The following BRF1 variants were observed in gnomAD, a reference collection of about 807,000 sequenced individuals.
BRF1 encodes BRF1 general transcription factor IIIB subunit, also known as transcription factor IIIB 90 kDa subunit.
In BRF1, 59 loss-of-function variants were observed where a neutral mutation model predicts 81.7. The ratio of observed to expected loss-of-function variants is 0.72; its 90% CI spans 0.59 to 0.90. The LOEUF (loss-of-function observed/expected upper bound fraction) is 0.90, where lower values mean the gene tolerates loss of function less well. Ranked by LOEUF, BRF1 falls within the 40% of genes least tolerant of loss-of-function variation. BRF1 has a pLI of 0.00. For synonymous variants in BRF1, 491 were observed against 395.6 expected, an observed-to-expected ratio of 1.24 and a Z score of -2.86; for missense variants, 1,050 against 936.3, an observed-to-expected ratio of 1.12 and a Z score of -1.58.
chr14:105,229,710 C>T (rs587639629), intron 6 of BRF1, among the ~76,000 whole-genome samples: 37 of 122,286 alleles, frequency 3.0e-4, no homozygotes, highest in Non-Finnish European at 3.5e-4. Flanking sequence ...GAGAGAGAGG[C>T]CACACCACTG....
At chr14:105,214,041 C>T (rs755927297) in intron 15 of BRF1, among the ~76,000 whole-genome samples, 6 of 152,234 alleles carry the variant, frequency 3.9e-5, no homozygotes, top group East Asian at 3.8e-4. Flanking sequence ...GGATGTGGGG[C>T]GCTGCGGCCC....
chr14:105,249,938 A>T (rs1389175211), intron 5 of BRF1: 1 of 1,611,858 alleles, frequency 6.2e-7, no homozygotes, highest in East Asian at 2.2e-5. Context: ...GGAGGCCCTC[A>T]ACACCAAAGA....
chr14:105,226,671 GA>G lies in BRF1; in HGVS notation c.877del (p.Ser293ArgfsTer11). Reference sequence around the variant, plus strand: ...CAGCTTCCTCTGCCCAGCTGTGTACGAGGGGGGGTCGCACTCCTCCTCCAGG... The same window carrying G: ...CAGCTTCCTCTGCCCAGCTGTGTACGGGGGGGGTCGCACTCCTCCTCCAGG... ...IDLEEECDPP[S>X]YTAGQRKLRM... On this transcript the variant is annotated frameshift_variant, in exon 8 of 18. Coordinates refer to ENST00000547530, the MANE Select transcript of BRF1 (RefSeq NM_001519.4). LOFTEE classifies it high-confidence loss of function. 1 of 1,613,508 alleles carries G rather than the reference GA, an allele frequency of 6.2e-7. No homozygotes were observed.
At chr14:105,285,860 C>G (rs2057295759) in intron 2 of BRF1, among the ~76,000 whole-genome samples, 1 of 152,194 alleles carries the variant, frequency 6.6e-6, no homozygotes, top group African/African-American at 2.4e-5. Flanking sequence ...AATCACACAT[C>G]CGATAAAAGA....
chr14:105,268,336 C>T (rs769881791), intron 3 of BRF1, among the ~76,000 whole-genome samples: 7 of 152,270 alleles, frequency 4.6e-5, no homozygotes, highest in Non-Finnish European at 1.0e-4. Flanking sequence ...CTGCTGCCCA[C>T]GCAGCCTCCC....
chr14:105,223,791 G>T (rs587659521), intron 10 of BRF1, among the ~76,000 whole-genome samples: 1 of 152,058 alleles, frequency 6.6e-6, no homozygotes, highest in Admixed American at 6.6e-5. Context: ...GTTTTCATAC[G>T]GCAATCACAC....
chr14:105,313,585 C>T (rs1234674132), intron 1 of BRF1, among the ~76,000 whole-genome samples: 1 of 152,230 alleles, frequency 6.6e-6, no homozygotes, highest in Non-Finnish European at 1.5e-5. Flanking sequence ...GAGGAAGCAG[C>T]GGCATGAGGG....
intron 1 of BRF1, among the ~76,000 whole-genome samples, chr14:105,298,619 CTGAGGCAGGCGGATCACT>C (rs587764719): frequency 6.6e-6 from 1 of 152,312 alleles, no homozygotes; most frequent in East Asian, 1.9e-4. Context: ...CTTTGGGAGG[CTGAGGCAGGCGGATCACT>C]TGAGGTCAGG....
chr14:105,224,456 A>G (rs587772623), intron 10 of BRF1, among the ~76,000 whole-genome samples: 32 of 152,308 alleles, frequency 2.1e-4, no homozygotes, highest in Admixed American at 2.6e-4. Flanking sequence ...GCAATCCTCA[A>G]GCTTGACCCA....
At chr14:105,258,981 G>A (rs189011727) in intron 3 of BRF1, among the ~76,000 whole-genome samples, 103 of 152,236 alleles carry the variant, frequency 6.8e-4, no homozygotes, top group Non-Finnish European at 9.1e-4. Context: ...AGCCCGCGAC[G>A]TCACTGAATG....
chr14:105,226,795 T>C (rs770232115), intron 7 of BRF1, 35 bp from the exon 8 acceptor site: 9 of 1,612,394 alleles, frequency 5.6e-6, no homozygotes, highest in Non-Finnish European at 3.4e-6. Flanking sequence ...ATGGAGCTGG[T>C]GGCTCTGAAA....
intron 6 of BRF1, among the ~76,000 whole-genome samples, chr14:105,229,167 T>C (rs587645005): frequency 2.0e-5 from 3 of 152,214 alleles, no homozygotes; most frequent in Admixed American, 6.5e-5. Flanking sequence ...TTCCGAGAGC[T>C]TCACGTAATC....
At chr14:105,243,677 G>C (rs2054878181) in intron 5 of BRF1, among the ~76,000 whole-genome samples, 1 of 152,030 alleles carries the variant, frequency 6.6e-6, no homozygotes, top group African/African-American at 2.4e-5. Context: ...TATTGAAATA[G>C]AAAACTCATT....
chr14:105,299,273 C>G (rs2057882161), intron 1 of BRF1, among the ~76,000 whole-genome samples: 1 of 151,796 alleles, frequency 6.6e-6, no homozygotes, highest in South Asian at 2.1e-4. Flanking sequence ...AGAAAACAAC[C>G]CAAATAAAAA....
rs1320545704 is a variant in BRF1 at position 105,210,582 on chromosome 14, C to T, written c.2003G>A (p.Gly668Asp). The change falls in exon 18 of 18, where the codon GGC becomes GAC. Residue 668 changes from glycine to aspartate, a missense_variant. Transcript: ENST00000547530. The surrounding 1 kb of genome is among the most constrained non-coding windows in gnomAD (Gnocchi z 4.7). The part of the protein sequence containing the change: ...ALQMMGSNDY[G>D]CDGDEDDGY ...GCCGTCGTCCTCATCGCCATCACAG[C>T]CATAGTCTGCAGAAGAGCACAGTCA... The T allele has an allele frequency of 6.2e-7, 1 of 1,611,820 alleles. No homozygotes were observed. The highest frequency in any genetic ancestry group is 8.5e-7 in the Non-Finnish European group (1 of 1,179,878).
chr14:105,229,530 C>A (rs998732373), intron 6 of BRF1, among the ~76,000 whole-genome samples: 2 of 152,208 alleles, frequency 1.3e-5, no homozygotes, highest in Non-Finnish European at 2.9e-5. Flanking sequence ...GGGTAGTTGA[C>A]CAGGCCACGG....
At chr14:105,255,491 G>A (rs1439538084) in intron 4 of BRF1, among the ~76,000 whole-genome samples, 1 of 152,248 alleles carries the variant, frequency 6.6e-6, no homozygotes, top group Non-Finnish European at 1.5e-5. Context: ...GCCTGTGGGT[G>A]CCCAGAACCC....
intron 1 of BRF1, among the ~76,000 whole-genome samples, chr14:105,293,684 G>A (rs79392385): frequency 0.014 from 2,117 of 152,290 alleles, 25 homozygotes; most frequent in South Asian, 0.045. Context: ...CTCCAGCCAC[G>A]CTGAGCCTCA....
At chr14:105,280,359 C>T (rs2057018137) in intron 2 of BRF1, among the ~76,000 whole-genome samples, 1 of 152,228 alleles carries the variant, frequency 6.6e-6, no homozygotes, top group African/African-American at 2.4e-5. Flanking sequence ...TCAATGGTTG[C>T]TGGAGGCTGG....
Sources: allele counts gnomAD v4.1 joint callset (sites outside exome capture counted in the v4.1 genomes callset), GRCh38; gene constraint gnomAD v4.1.1; non-coding constraint Gnocchi (gnomAD v3.1); transcripts MANE v1.5; gene names NCBI Gene and HGNC (gene_info 2026-07-23, HGNC 2026-07-21).